The following NPSR1 variants were observed in gnomAD, a reference collection of about 807,000 sequenced individuals.
The protein encoded by NPSR1 is neuropeptide S receptor 1, also known as neuropeptide S receptor.
In NPSR1, 48 loss-of-function variants were observed where a neutral mutation model predicts 46.9. The ratio of observed to expected loss-of-function variants is 1.02; its 90% confidence interval spans 0.81 to 1.30. The LOEUF (loss-of-function observed/expected upper bound fraction) is 1.30, where lower values mean the gene tolerates loss of function less well. Ranked by LOEUF, NPSR1 falls within the 50% of genes most tolerant of loss-of-function variation. NPSR1 has a pLI of 0.00. For synonymous variants in NPSR1, 176 were observed against 168.1 expected (o/e 1.05, Z -0.36); for missense variants, 450 against 449.5 (o/e 1.00, Z -0.01).
intron 2 of NPSR1, among the ~76,000 whole-genome samples, chr7:34,720,473 T>C (rs1056387841): frequency 1.3e-5 from 2 of 152,062 alleles, no homozygotes; most frequent in Admixed American, 1.3e-4. Flanking sequence ...GGGCAGGATG[T>C]AGGGGCAGAC....
At chr7:34,850,203 G>A (rs1364617179), downstream of NPSR1, among the ~76,000 whole-genome samples, 1 of 152,234 alleles carries the variant, frequency 6.6e-6, no homozygotes, top group Non-Finnish European at 1.5e-5. Flanking sequence ...GCAGATGGGT[G>A]TGCTGGCAGC....
chr7:34,715,333 T>G (rs1007627482), intron 2 of NPSR1, among the ~76,000 whole-genome samples: 5 of 152,184 alleles, frequency 3.3e-5, no homozygotes, highest in African/African-American at 1.2e-4. Context: ...GAAATGCTCT[T>G]TTTGACAGCC....
chr7:34,820,611 C>T (rs1789505725), intron 4 of NPSR1, among the ~76,000 whole-genome samples: 1 of 152,014 alleles, frequency 6.6e-6, no homozygotes, highest in Admixed American at 6.6e-5. Flanking sequence ...GAATATGTGC[C>T]CAAGGTGGTC....
chr7:34,811,581 G>A (rs1788988062), intron 3 of NPSR1, among the ~76,000 whole-genome samples, 189 bp from the exon 4 acceptor site: 1 of 152,120 alleles, frequency 6.6e-6, no homozygotes, highest in Non-Finnish European at 1.5e-5. Context: ...CTGGGAAACT[G>A]CCCTCTTTCA....
chr7:34,827,003 G>C (rs740723), intron 4 of NPSR1, among the ~76,000 whole-genome samples: 30 of 152,296 alleles, frequency 2.0e-4, no homozygotes, highest in Non-Finnish European at 3.1e-4. Context: ...ACCAAAGGCT[G>C]TAGCCCTGCC....
At chr7:34,782,803 T>C (rs1053294757) in intron 3 of NPSR1, among the ~76,000 whole-genome samples, 1 of 152,096 alleles carries the variant, frequency 6.6e-6, no homozygotes, top group Non-Finnish European at 1.5e-5. Context: ...AATAGAGATA[T>C]ATGCAATGCT....
At chr7:34,868,160 T>C (rs1465024683) in intron 8 of NPSR1, among the ~76,000 whole-genome samples, 1 of 151,708 alleles carries the variant, frequency 6.6e-6, no homozygotes, top group Non-Finnish European at 1.5e-5. Flanking sequence ...AGAAGTCAGC[T>C]GGTTTCAAAG....
intron 1 of NPSR1, among the ~76,000 whole-genome samples, chr7:34,672,919 G>A (rs891657705): frequency 2.6e-5 from 4 of 152,122 alleles, no homozygotes; most frequent in Non-Finnish European, 5.9e-5. Flanking sequence ...CTTTCAGACC[G>A]AGCTCCAGCT....
intron 2 of NPSR1, among the ~76,000 whole-genome samples, chr7:34,748,837 A>C (rs1785355600): frequency 6.6e-6 from 1 of 151,972 alleles, no homozygotes; most frequent in Admixed American, 6.6e-5. Flanking sequence ...CTAGACACTT[A>C]TGTCTGGGAG....
At chr7:34,732,936 CAAAG>C (rs1784495655) in intron 2 of NPSR1, among the ~76,000 whole-genome samples, 2 of 152,020 alleles carry the variant, frequency 1.3e-5, no homozygotes, top group Non-Finnish European at 1.5e-5. Flanking sequence ...GGATAAATGA[CAAAG>C]AAGAAAAATA....
intron 1 of NPSR1, among the ~76,000 whole-genome samples, chr7:34,674,127 T>C (rs1268859007): frequency 6.6e-6 from 1 of 152,160 alleles, no homozygotes; most frequent in Non-Finnish European, 1.5e-5. Flanking sequence ...GGCCTCCTTG[T>C]TGACCTTGAC....
chr7:34,757,775 C>T (rs529111865), intron 2 of NPSR1, among the ~76,000 whole-genome samples: 2 of 152,292 alleles, frequency 1.3e-5, no homozygotes, highest in Admixed American at 6.5e-5. Flanking sequence ...TAGTCTGCTC[C>T]GCATATCTGC....
chr7:34,794,905 G>T (rs1022513701), intron 3 of NPSR1, among the ~76,000 whole-genome samples: 1 of 152,128 alleles, frequency 6.6e-6, no homozygotes, highest in Non-Finnish European at 1.5e-5. Flanking sequence ...CAAGCATGGT[G>T]GTGCATACCT....
At chr7:34,877,331 C>T (rs1226434876) in intron 8 of NPSR1, among the ~76,000 whole-genome samples, 1 of 152,182 alleles carries the variant, frequency 6.6e-6, no homozygotes, top group Non-Finnish European at 1.5e-5. Context: ...TTATCCAAAA[C>T]CTGACACAAA....
intron 2 of NPSR1, among the ~76,000 whole-genome samples, chr7:34,774,671 A>G (rs967185699): frequency 1.2e-4 from 18 of 152,030 alleles, no homozygotes; most frequent in South Asian, 2.1e-4. Flanking sequence ...GCATCCATCA[A>G]CTCCAAACTG....
At chr7:34,847,682 T>C (rs1790787046) in intron 7 of NPSR1, among the ~76,000 whole-genome samples, 1 of 152,192 alleles carries the variant, frequency 6.6e-6, no homozygotes, top group South Asian at 2.1e-4. Flanking sequence ...ACTCAGGCCT[T>C]CAACAGATTG....
At chr7:34,659,956 G>C (rs974720530) in intron 1 of NPSR1, among the ~76,000 whole-genome samples, 5 of 152,110 alleles carry the variant, frequency 3.3e-5, no homozygotes, top group African/African-American at 1.2e-4. Flanking sequence ...ATTGCAAAGG[G>C]AATAAAATCA....
chr7:34,827,566 C>A lies in NPSR1; in HGVS notation c.644C>A (p.Ala215Asp). 1.3e-6 allele frequency: 2 copies of A among 1,561,844 alleles called. No homozygotes were observed. Among genetic ancestry groups the A allele is most frequent in the Non-Finnish European group, 1.7e-6 (2 of 1,146,770 alleles). The stretch of plus-strand genomic sequence containing the variant: ...TGGACCCCATACATGACCATCGTGG[C>A]CTTCCTGGTGTACTTCATCCCTCTG... ...SYWTPYMTIVAFLVYFIPLTI... is the reference protein window; with the variant it reads ...SYWTPYMTIVDFLVYFIPLTI... The change falls in exon 5 of 9, where the codon GCC becomes GAC. Residue 215 changes from alanine to aspartate, a missense_variant. Ala to Asp is a moderately radical substitution (Grantham distance 126, BLOSUM62 -2). Coordinates refer to ENST00000360581, the MANE Select transcript of NPSR1 (RefSeq NM_207172.2).
chr7:34,741,410 T>C (rs910791755), intron 2 of NPSR1, among the ~76,000 whole-genome samples: 1 of 152,156 alleles, frequency 6.6e-6, no homozygotes, highest in Non-Finnish European at 1.5e-5. Context: ...TTTTGAAAAT[T>C]GTTATTCCCC....
Sources: gnomAD v4.1 joint callset for allele counts (sites outside exome capture counted in the v4.1 genomes callset) on GRCh38, gnomAD v4.1.1 for gene constraint, MANE v1.5 for transcripts, NCBI Gene and HGNC (gene_info 2026-07-23, HGNC 2026-07-21) for gene names.